The following PDZD2 variants were observed in gnomAD, a reference collection of about 807,000 sequenced individuals.
PDZD2 encodes PDZ domain containing 2.
In PDZD2, 90 loss-of-function variants were observed where a neutral mutation model predicts 220.7. That is an observed-to-expected ratio of 0.41 (90% CI 0.34 to 0.49). The LOEUF is 0.49. Ranked by LOEUF, PDZD2 falls within the 20% of genes least tolerant of loss-of-function variation. PDZD2 has a pLI of 0.28. For missense variants in PDZD2, 3,174 were observed against 3,608.5 expected (o/e 0.88, Z 3.08); for synonymous variants, 1,375 against 1,450.5 (o/e 0.95, Z 1.18).
In PDZD2 at chr5:32,092,902, T is replaced by C. The variant is rs376475794; in HGVS notation, c.7728-5T>C. ...ATGTTCTTCAAATATATTTATATTA[T>C]TTAGTTTGGATCAACTTCTAGTCTC... On this transcript the variant is annotated splice_polypyrimidine_tract_variant and splice_region_variant and intron_variant, in intron 20 of 24. Coordinates refer to ENST00000438447, the MANE Select transcript of PDZD2 (RefSeq NM_178140.4). The C allele has an allele frequency of 1.0e-5, 14 of 1,399,968 alleles. No individual in the cohort carries two copies. In the African/African-American group the frequency reaches 2.0e-4, roughly 20 times the overall value. The allele number at this position is 1,399,968 out of a possible 1,614,324, so 86.7% of individuals were successfully genotyped here.
At chr5:31,651,703 C>T (rs1039478257) in intron 1 of PDZD2, among the ~76,000 whole-genome samples, 4 of 152,230 alleles carry the variant, frequency 2.6e-5, no homozygotes, top group Admixed American at 1.3e-4. Flanking sequence ...ATGATCTCGG[C>T]TCACTGCAGC....
intron 2 of PDZD2, among the ~76,000 whole-genome samples, chr5:31,868,174 G>C (rs563425978): frequency 1.3e-5 from 2 of 152,162 alleles, no homozygotes; most frequent in Non-Finnish European, 2.9e-5. Context: ...GGCCGGGCGC[G>C]GTGGCTCATG....
intron 1 of PDZD2, among the ~76,000 whole-genome samples, chr5:31,678,985 C>T (rs1212381327): frequency 6.6e-6 from 1 of 152,154 alleles, no homozygotes; most frequent in Non-Finnish European, 1.5e-5. Flanking sequence ...AGGTAATTCT[C>T]CCCACTCAAC....
chr5:31,995,639 G>A lies in PDZD2; in HGVS notation c.1042G>A (p.Val348Ile), dbSNP rs1454972394. The part of the protein sequence containing the change: ...LKESDGLGIQ[V>I]SGGRGSKRSP... ...AGAATCGGATGGGCTGGGAATTCAG[G>A]TTAGTGGAGGCCGAGGATCAAAGCG... The change falls in exon 4 of 25, where the codon GTT becomes ATT. Residue 348 changes from valine to isoleucine, a missense_variant. Around this residue, in one of 4 missense-constraint regions of PDZD2, gnomAD observed 632 missense variants for 708.1 expected, o/e 0.89. Transcript: ENST00000438447. 6.2e-7 allele frequency: 1 copy of A among 1,614,006 alleles called. No homozygotes were observed. The highest frequency in any genetic ancestry group is 1.7e-5 in the Admixed American group (1 of 59,990).
At chr5:31,872,142 GGTGTGTGTGTGTGT>G (rs55806241) in intron 2 of PDZD2, among the ~76,000 whole-genome samples, 2 of 147,676 alleles carry the variant, frequency 1.4e-5, no homozygotes, top group Admixed American at 6.8e-5. Flanking sequence ...TAAGGTGAGT[GGTGTGTGTGTGTGT>G]GTGTGTGTGT....
At position 32,037,185 on chromosome 5, in the gene PDZD2, C is replaced by T. The variant is rs371164873; in HGVS notation, c.1408-46C>T. The T allele has an allele frequency of 6.8e-5, 83 of 1,222,030 alleles. No homozygotes were observed. The African/African-American group carries it at 9.3e-4, about 14-fold the overall frequency. The allele number at this position is 1,222,030 out of a possible 1,614,324, so 75.7% of individuals were successfully genotyped here. A position where few individuals can be genotyped will look rare whatever the true frequency, so the allele number is the denominator to read the frequency against. On this transcript the variant is annotated intron_variant, in intron 6 of 24. Transcript: ENST00000438447. Reference sequence around the variant, plus strand: ...TGTGGAGGGGGACAGCATAAGTCATCGCAGGGCTGGGCTCTCCCATCAGCT... The same window carrying T: ...TGTGGAGGGGGACAGCATAAGTCATTGCAGGGCTGGGCTCTCCCATCAGCT...
In PDZD2 at chr5:32,108,968, A is replaced by AGTTT. The variant is rs1167622109; in HGVS notation, c.*834_*837dup. 2.6e-5 allele frequency: 4 copies of AGTTT among 152,666 alleles called. No homozygotes were observed. The highest frequency in any genetic ancestry group is 7.2e-5 in the African/African-American group (3 of 41,460). 9.5% of individuals were successfully genotyped at this position (152,666 alleles called of 1,614,324 possible). On this transcript the variant is annotated 3_prime_UTR_variant, in exon 25 of 25. Transcript: ENST00000438447. ...CAACATCTAAAAGCACCTTACAACTAGTTTTTGAACCTGTCTTGATAAGTG... is the reference window on the plus strand; with the variant it reads ...CAACATCTAAAAGCACCTTACAACTAGTTTGTTTTTGAACCTGTCTTGATAAGTG...
chr5:31,718,933 C>T (rs1180667092), intron 1 of PDZD2, among the ~76,000 whole-genome samples: 2 of 152,112 alleles, frequency 1.3e-5, no homozygotes, highest in Non-Finnish European at 2.9e-5. Flanking sequence ...ATCTCCTGAC[C>T]TTGTGATCCG....
intron 2 of PDZD2, among the ~76,000 whole-genome samples, chr5:31,906,173 C>CATT (rs1742628312): frequency 6.8e-6 from 1 of 146,646 alleles, no homozygotes; most frequent in Non-Finnish European, 1.5e-5. Context: ...AGGTGCGTGC[C>CATT]ACCACACCTG....
chr5:31,674,368 C>G (rs1156410179), intron 1 of PDZD2, among the ~76,000 whole-genome samples: 1 of 152,172 alleles, frequency 6.6e-6, no homozygotes, highest in African/African-American at 2.4e-5. Flanking sequence ...GGCCTTTCTC[C>G]TTTGGAGGAA....
chr5:32,043,586 C>A (rs893417137), intron 7 of PDZD2, among the ~76,000 whole-genome samples: 6 of 152,244 alleles, frequency 3.9e-5, no homozygotes, highest in African/African-American at 1.4e-4. Flanking sequence ...AAAAAGCCCT[C>A]GCCATGAGGC....
intron 2 of PDZD2, among the ~76,000 whole-genome samples, chr5:31,827,899 C>T (rs1756327547): frequency 6.6e-6 from 1 of 152,130 alleles, no homozygotes; most frequent in Non-Finnish European, 1.5e-5. Flanking sequence ...CCATACTCCG[C>T]TTCTCCAAGC....
intron 1 of PDZD2, among the ~76,000 whole-genome samples, chr5:31,784,226 A>G (rs899075154): frequency 2.0e-5 from 3 of 152,166 alleles, no homozygotes; most frequent in Non-Finnish European, 2.9e-5. Context: ...CCACATGGCC[A>G]CTTTGCTAGC....
chr5:31,996,234 G>C (rs1751622638), intron 4 of PDZD2, among the ~76,000 whole-genome samples: 1 of 152,110 alleles, frequency 6.6e-6, no homozygotes, highest in Admixed American at 6.6e-5. Context: ...GGGAAATTAA[G>C]TAAATGTGAA....
chr5:31,999,256 T>TG lies in PDZD2; in HGVS notation c.1122-875dup, dbSNP rs779848816. On this transcript the variant is annotated intron_variant, in intron 4 of 24. Coordinates refer to ENST00000438447, the MANE Select transcript of PDZD2 (RefSeq NM_178140.4). The stretch of plus-strand genomic sequence containing the variant: ...TTTTCCTTTCTTAATTGCTTTTTTT[T>TG]GGGGGGGGCGGGTGGCGGGATTTGT... Among the ~76,000 whole-genome samples, 434 of 102,148 alleles carry TG rather than the reference T, an allele frequency of 4.2e-3. 1 individual carries two copies. The highest frequency in any genetic ancestry group is 4.0e-3 in the Non-Finnish European group (206 of 50,946). The allele number at this position is 102,148 out of a possible 152,430, so 67.0% of individuals were successfully genotyped here. A position where few individuals can be genotyped will look rare whatever the true frequency, so the allele number is the denominator to read the frequency against.
Position 32,057,943 on chromosome 5 carries a change from C to G in PDZD2, c.2040C>G (p.Pro680=). 2 of 1,614,014 alleles carry G rather than the reference C, an allele frequency of 1.2e-6. No individual in the cohort carries two copies. Among genetic ancestry groups the G allele is most frequent in the Non-Finnish European group, 1.7e-6 (2 of 1,179,932 alleles). ...AGTTGGTGAGCCCCAGCCTCACACC[C>G]TGCTCGACACCCACACACATGAGCA... ...RTKLVSPSLT[P]CSTPTHMSRS... The change falls in exon 12 of 25, where the codon CCC becomes CCG. Residue 680 remains proline, a synonymous_variant. Coordinates refer to ENST00000438447, the MANE Select transcript of PDZD2 (RefSeq NM_178140.4).
At chr5:32,069,056 A>C (rs1231058961) in intron 14 of PDZD2, among the ~76,000 whole-genome samples, 1 of 152,118 alleles carries the variant, frequency 6.6e-6, no homozygotes, top group Non-Finnish European at 1.5e-5. Context: ...CCACAAGGTC[A>C]GGAGTTCAAG....
At chr5:31,988,511 C>A (rs1333926290) in intron 3 of PDZD2, among the ~76,000 whole-genome samples, 1 of 150,366 alleles carries the variant, frequency 6.7e-6, no homozygotes, top group Non-Finnish European at 1.5e-5. Flanking sequence ...TATTCACCAT[C>A]CTGGAAGCTC....
chr5:31,792,921 C>A (rs1561463640), intron 1 of PDZD2, among the ~76,000 whole-genome samples: 1 of 151,984 alleles, frequency 6.6e-6, no homozygotes, highest in Non-Finnish European at 1.5e-5. Flanking sequence ...TCACTGCAGC[C>A]TCCACCTCCC....
Sources: allele counts gnomAD v4.1 joint callset (sites outside exome capture counted in the v4.1 genomes callset), GRCh38; gene constraint gnomAD v4.1.1; regional missense constraint gnomAD v4.1.1; transcripts MANE v1.5; gene names NCBI Gene and HGNC (gene_info 2026-07-23, HGNC 2026-07-21).